PPARGC1A: variants seen among roughly 807,000 people sequenced by gnomAD.
PPARGC1A encodes the protein PPARG coactivator 1 alpha, also known as peroxisome proliferator-activated receptor gamma coactivator 1-alpha.
In PPARGC1A, 25 loss-of-function variants were observed where a neutral mutation model predicts 88.7. The ratio of observed to expected loss-of-function variants is 0.28; its 90% confidence interval spans 0.21 to 0.39. The LOEUF is 0.39. Ranked by LOEUF, PPARGC1A falls within the 10% of genes least tolerant of loss-of-function variation. The pLI is 1.00. For synonymous variants in PPARGC1A, 363 were observed against 355.6 expected (o/e 1.02, Z -0.24); for missense variants, 880 against 968.7 (o/e 0.91, Z 1.22).
chr4:23,961,698 CA>C, the PPARGC1A span, among the ~76,000 whole-genome samples: 1 of 151,742 alleles, frequency 6.6e-6, no homozygotes, highest in East Asian at 1.9e-4. Flanking sequence ...TCGCCTCCCA[CA>C]AGCCCCCTGT....
At chr4:23,941,790 G>T in the PPARGC1A span, among the ~76,000 whole-genome samples, 2 of 152,080 alleles carry the variant, frequency 1.3e-5, no homozygotes, top group Non-Finnish European at 2.9e-5. Flanking sequence ...GTTGGGAATT[G>T]TCACTAAAGG....
At chr4:23,844,742 C>CATAATATATATATATTATA (rs1727873877) in intron 2 of PPARGC1A, among the ~76,000 whole-genome samples, 2 of 23,832 alleles carry the variant, frequency 8.4e-5, no homozygotes, top group Admixed American at 7.4e-4. Context: ...TATGATATAT[C>CATAATATATATATATTATA]ATAATATATG....
intron 2 of PPARGC1A, among the ~76,000 whole-genome samples, chr4:23,849,644 A>C (rs1328273124): frequency 6.6e-6 from 1 of 152,208 alleles, no homozygotes; most frequent in African/African-American, 2.4e-5. Flanking sequence ...ACTAGAGAGA[A>C]TAGAACCTTT....
the PPARGC1A span, among the ~76,000 whole-genome samples, chr4:24,146,140 G>T: frequency 6.6e-6 from 1 of 152,212 alleles, no homozygotes; most frequent in South Asian, 2.1e-4. Flanking sequence ...GACACATTGT[G>T]TCAGGTTTTC....
chr4:24,322,306 A>G, the PPARGC1A span, among the ~76,000 whole-genome samples: 3 of 152,248 alleles, frequency 2.0e-5, no homozygotes, highest in Non-Finnish European at 4.4e-5. Context: ...AAAGAAAAGA[A>G]AAGCACTGGG....
chr4:24,239,950 ATC>A, the PPARGC1A span, among the ~76,000 whole-genome samples: 3 of 151,910 alleles, frequency 2.0e-5, no homozygotes, highest in African/African-American at 7.3e-5. Flanking sequence ...TGTGTCTCTG[ATC>A]TCTCCCACCC....
the PPARGC1A span, among the ~76,000 whole-genome samples, chr4:24,201,836 T>C: frequency 6.6e-6 from 1 of 152,168 alleles, no homozygotes; most frequent in Non-Finnish European, 1.5e-5. Flanking sequence ...TCTTTCAATG[T>C]CATTGCCTAT....
At chr4:23,973,194 A>T in the PPARGC1A span, among the ~76,000 whole-genome samples, 3 of 151,378 alleles carry the variant, frequency 2.0e-5, no homozygotes, top group Non-Finnish European at 4.4e-5. Context: ...AGGAAGAAAA[A>T]ATTTAGAGCA....
chr4:24,452,792 T>C, the PPARGC1A span, among the ~76,000 whole-genome samples: 1 of 152,184 alleles, frequency 6.6e-6, no homozygotes, highest in Non-Finnish European at 1.5e-5. Flanking sequence ...CAAAAAATAA[T>C]ATCTCTTGGC....
the PPARGC1A span, among the ~76,000 whole-genome samples, chr4:24,327,676 C>T: frequency 4.6e-5 from 7 of 151,390 alleles, no homozygotes; most frequent in African/African-American, 1.7e-4. Flanking sequence ...TCCCACTCTA[C>T]GTTCCCATAC....
chr4:24,372,551 A>G, the PPARGC1A span, among the ~76,000 whole-genome samples: 6 of 152,294 alleles, frequency 3.9e-5, no homozygotes, highest in African/African-American at 1.2e-4. Flanking sequence ...CACAGCCCTT[A>G]TCAGTAAACG....
At chr4:24,376,382 T>C in the PPARGC1A span, among the ~76,000 whole-genome samples, 13 of 152,296 alleles carry the variant, frequency 8.5e-5, no homozygotes, top group East Asian at 2.5e-3. Flanking sequence ...TGAAAGCCTG[T>C]CACGTCAAGG....
the PPARGC1A span, among the ~76,000 whole-genome samples, chr4:24,215,355 C>T: frequency 6.6e-6 from 1 of 152,100 alleles, no homozygotes; most frequent in East Asian, 1.9e-4. Flanking sequence ...TAGGAAGACC[C>T]GAGCTGACCT....
At chr4:24,311,718 G>A in the PPARGC1A span, among the ~76,000 whole-genome samples, 1 of 151,730 alleles carries the variant, frequency 6.6e-6, no homozygotes, top group African/African-American at 2.4e-5. Flanking sequence ...GGACTGATTC[G>A]GTAAGCTGGA....
the PPARGC1A span, among the ~76,000 whole-genome samples, chr4:24,216,889 GCTCT>G: frequency 3.3e-5 from 5 of 152,122 alleles, no homozygotes; most frequent in South Asian, 2.1e-4. Flanking sequence ...CATTGTTTAA[GCTCT>G]CTGTGTCTTC....
the PPARGC1A span, among the ~76,000 whole-genome samples, chr4:24,276,160 G>A: frequency 1.3e-5 from 2 of 152,286 alleles, no homozygotes; most frequent in African/African-American, 4.8e-5. Context: ...CTCAAAGAAA[G>A]GGCAGCAGCC....
chr4:24,314,518 C>T, the PPARGC1A span, among the ~76,000 whole-genome samples: 4 of 152,134 alleles, frequency 2.6e-5, no homozygotes, highest in African/African-American at 9.7e-5. Context: ...ACTTCCTAGC[C>T]TCCGGAGCAA....
At chr4:23,953,841 G>T in the PPARGC1A span, among the ~76,000 whole-genome samples, 1 of 152,104 alleles carries the variant, frequency 6.6e-6, no homozygotes, top group Middle Eastern at 3.4e-3. Context: ...AGGCTACATT[G>T]TCACATGTGG....
chr4:24,444,921 C>A, the PPARGC1A span, among the ~76,000 whole-genome samples: 1 of 151,992 alleles, frequency 6.6e-6, no homozygotes, highest in Non-Finnish European at 1.5e-5. Flanking sequence ...GACGTGGTGG[C>A]GCACACCTGT....
Sources: allele counts gnomAD v4.1 joint callset (sites outside exome capture counted in the v4.1 genomes callset), GRCh38; gene constraint gnomAD v4.1.1; transcripts MANE v1.5; gene names NCBI Gene and HGNC (gene_info 2026-07-23, HGNC 2026-07-21).